Variants in DYNC2I1 observed in about 807,000 individuals in gnomAD.
The protein encoded by DYNC2I1 is dynein 2 intermediate chain 1, also known as cytoplasmic dynein 2 intermediate chain 1.
Under a neutral mutation model 133.4 loss-of-function variants are expected in DYNC2I1, and 89 were observed. That is an observed-to-expected ratio of 0.67 (90% CI 0.56 to 0.80). The LOEUF (loss-of-function observed/expected upper bound fraction) is 0.80, where lower values mean the gene tolerates loss of function less well. Among genes scored for constraint, DYNC2I1 ranks in the 30% least tolerant of loss-of-function variants. DYNC2I1 has a pLI of 0.00. For missense variants in DYNC2I1, 1,291 were observed against 1,314.5 expected (o/e 0.98, Z 0.28); for synonymous variants, 504 against 484.3 (o/e 1.04, Z -0.54).
chr7:158,894,235 G>A (rs144254753), intron 8 of DYNC2I1, among the ~76,000 whole-genome samples: 12 of 151,242 alleles, frequency 7.9e-5, no homozygotes, highest in African/African-American at 1.9e-4. Context: ...ACCACATATC[G>A]TACTGCATGT....
chr7:158,949,234 A>T (rs1851978596), downstream of DYNC2I1, among the ~76,000 whole-genome samples: 1 of 152,258 alleles, frequency 6.6e-6, no homozygotes, highest in Non-Finnish European at 1.5e-5. Context: ...ATCTCTGAAG[A>T]TACAGAGTCA....
chr7:158,929,873 G>A (rs1403535113), intron 20 of DYNC2I1, among the ~76,000 whole-genome samples: 1 of 152,250 alleles, frequency 6.6e-6, no homozygotes, highest in East Asian at 1.9e-4. Flanking sequence ...TTTCAGGAAG[G>A]AAAGGAAGAG....
intron 1 of DYNC2I1, among the ~76,000 whole-genome samples, chr7:158,864,764 G>A (rs745828115): frequency 1.4e-4 from 21 of 152,088 alleles, no homozygotes; most frequent in Non-Finnish European, 2.4e-4. Flanking sequence ...CCTCAGCCTA[G>A]CAAAGTGTTA....
downstream of DYNC2I1, among the ~76,000 whole-genome samples, chr7:158,946,981 C>T (rs145920061): frequency 5.6e-3 from 851 of 152,342 alleles, 7 homozygotes; most frequent in African/African-American, 0.02. Flanking sequence ...CTGCACGTCT[C>T]GCGTGGGCCT....
At chr7:158,852,437 A>C (rs1480729115), upstream of DYNC2I1, among the ~76,000 whole-genome samples, 1 of 150,244 alleles carries the variant, frequency 6.7e-6, no homozygotes, top group Non-Finnish European at 1.5e-5. Context: ...GCTGGTTTTG[A>C]GGGAGAGAAT....
intron 12 of DYNC2I1, 124 bp downstream of exon 12, chr7:158,911,803 C>A: frequency 7.8e-7 from 1 of 1,280,042 alleles, no homozygotes; most frequent in Non-Finnish European, 1.0e-6. Context: ...AGGATACAAG[C>A]TTAGGGAAAA....
At chr7:158,847,911 T>C in the DYNC2I1 span, among the ~76,000 whole-genome samples, 2 of 152,266 alleles carry the variant, frequency 1.3e-5, no homozygotes, top group East Asian at 3.8e-4. Flanking sequence ...TGTTCCATTT[T>C]TAGATTGGTG....
chr7:158,856,701 G>A lies in DYNC2I1; in HGVS notation c.-35G>A. 8.1e-7 allele frequency: 1 copy of A among 1,232,824 alleles called. No individual in the cohort carries two copies. The highest frequency in any genetic ancestry group is 1.0e-6 in the Non-Finnish European group (1 of 986,974). 76.4% of individuals were successfully genotyped at this position (1,232,824 alleles called of 1,614,324 possible). On this transcript the variant is annotated 5_prime_UTR_variant, in exon 1 of 25. Coordinates refer to ENST00000407559, the MANE Select transcript of DYNC2I1 (RefSeq NM_018051.5). ...GGGTGGACCGCGCCTGGCCGGGGCCGAGGACACCGCGGCCGCCCGGGCCTG... is the reference window on the plus strand; with the variant it reads ...GGGTGGACCGCGCCTGGCCGGGGCCAAGGACACCGCGGCCGCCCGGGCCTG...
downstream of DYNC2I1, among the ~76,000 whole-genome samples, chr7:158,957,238 C>T (rs1044258002): frequency 6.6e-6 from 1 of 152,198 alleles, no homozygotes; most frequent in African/African-American, 2.4e-5. Context: ...CACTGCACGT[C>T]ATTTTGGAGG....
In DYNC2I1 at chr7:158,919,736, A is replaced by T. The variant is rs766135369; in HGVS notation, c.1921+867A>T. Among the ~76,000 whole-genome samples, 124 of 152,230 alleles carry T rather than the reference A, an allele frequency of 8.1e-4. 1 individual carries two copies. The highest frequency in any genetic ancestry group is 4.0e-4 in the Non-Finnish European group (27 of 68,028). On this transcript the variant is annotated intron_variant, in intron 15 of 24. Transcript: ENST00000407559. ...TAACGTTAACAAAAATGGCATTGTT[A>T]ATTTAACAAGTCTTCACATTCTTTG... is the stretch of plus-strand genomic sequence containing the variant.
chr7:158,840,108 C>A, the DYNC2I1 span, among the ~76,000 whole-genome samples: 1 of 152,278 alleles, frequency 6.6e-6, no homozygotes. Context: ...AGCCACTTCA[C>A]CCAGAGGTGG....
chr7:158,844,442 C>T, the DYNC2I1 span, among the ~76,000 whole-genome samples: 15 of 151,344 alleles, frequency 9.9e-5, no homozygotes, highest in Admixed American at 2.0e-4. Flanking sequence ...AGGGGGAGAG[C>T]GCGTGGGAAT....
chr7:158,949,166 C>T (rs1479353124), downstream of DYNC2I1, among the ~76,000 whole-genome samples: 1 of 152,202 alleles, frequency 6.6e-6, no homozygotes, highest in Non-Finnish European at 1.5e-5. Context: ...CTTGGAGACT[C>T]AACACCAGGA....
intron 5 of DYNC2I1, among the ~76,000 whole-genome samples, chr7:158,882,218 A>G (rs1479465129): frequency 6.6e-6 from 1 of 152,180 alleles, no homozygotes; most frequent in Non-Finnish European, 1.5e-5. Context: ...TGAACAAAAC[A>G]AAAATTACTG....
chr7:158,942,910 CTTTG>C (rs1466628334), intron 24 of DYNC2I1, among the ~76,000 whole-genome samples: 10 of 152,232 alleles, frequency 6.6e-5, no homozygotes, highest in South Asian at 2.1e-4. Flanking sequence ...TTCTTCGTTG[CTTTG>C]TTTGTTTCAC....
In DYNC2I1 at chr7:158,917,568, G is replaced by A. The variant is rs111379434; in HGVS notation, c.1792-1172G>A. 1.4e-3 allele frequency among the ~76,000 whole-genome samples: 60 copies of A among 41,882 alleles called. 2 individuals are homozygous for A. The highest frequency in any genetic ancestry group is 3.0e-3 in the African/African-American group (26 of 8,734). The allele number at this position is 41,882 out of a possible 152,430, so 27.5% of individuals were successfully genotyped here. A position where few individuals can be genotyped will look rare whatever the true frequency, so the allele number is the denominator to read the frequency against. On this transcript the variant is annotated intron_variant, in intron 14 of 24. Coordinates refer to ENST00000407559, the MANE Select transcript of DYNC2I1 (RefSeq NM_018051.5). ...CTCCACACTCCACCCTCCGCCTCTC[G>A]CTAAACACCCCCTGCCCTCCACACT...
intron 3 of DYNC2I1, among the ~76,000 whole-genome samples, chr7:158,876,275 ACAG>A (rs1220390388): frequency 3.3e-5 from 5 of 152,164 alleles, no homozygotes; most frequent in African/African-American, 4.8e-5. Context: ...TATCACAAGA[ACAG>A]CACCCAGGGG....
chr7:158,912,431 C>G (rs1473091287), intron 12 of DYNC2I1, among the ~76,000 whole-genome samples: 1 of 152,148 alleles, frequency 6.6e-6, no homozygotes, highest in Non-Finnish European at 1.5e-5. Flanking sequence ...GCTGAAGAAG[C>G]TGATGGCTTT....
At chr7:158,921,316 G>A (rs964800623) in intron 15 of DYNC2I1, among the ~76,000 whole-genome samples, 4 of 152,162 alleles carry the variant, frequency 2.6e-5, no homozygotes, top group African/African-American at 9.7e-5. Context: ...GAAGCGAGGA[G>A]ACCACGGTGG....
Sources: allele counts gnomAD v4.1 joint callset (sites outside exome capture counted in the v4.1 genomes callset), GRCh38; gene constraint gnomAD v4.1.1; transcripts MANE v1.5; gene names NCBI Gene and HGNC (gene_info 2026-07-23, HGNC 2026-07-21).